WASF3: variants seen among roughly 807,000 people sequenced by gnomAD.
WASF3 encodes WASP family member 3, also known as actin-binding protein WASF3.
A neutral mutation model predicts 46.6 loss-of-function variants in WASF3; 11 were observed. The ratio of observed to expected loss-of-function variants is 0.24; its 90% CI spans 0.15 to 0.39. The LOEUF (loss-of-function observed/expected upper bound fraction) is 0.39, where lower values mean the gene tolerates loss of function less well. Ranked by LOEUF, WASF3 falls within the 10% of genes least tolerant of loss-of-function variation. The pLI, the probability that WASF3 is intolerant of heterozygous loss-of-function variation, is 1.00. For missense variants in WASF3, 576 were observed against 669.8 expected (o/e 0.86, Z 1.55); for synonymous variants, 242 against 259.7 (o/e 0.93, Z 0.65).
intron 1 of WASF3, among the ~76,000 whole-genome samples, chr13:26,602,430 G>T (rs890804904): frequency 1.3e-5 from 2 of 152,068 alleles, no homozygotes; most frequent in Admixed American, 6.5e-5. Flanking sequence ...CTCATAAATT[G>T]TAGTATTCTT....
At chr13:26,567,727 CCCTT>C (rs1879511790) in intron 1 of WASF3, among the ~76,000 whole-genome samples, 1 of 151,796 alleles carries the variant, frequency 6.6e-6, no homozygotes, top group East Asian at 1.9e-4. Context: ...TATATAATCT[CCCTT>C]CACTTGCTTT....
intron 3 of WASF3, among the ~76,000 whole-genome samples, chr13:26,659,643 G>T (rs9512312): frequency 0.17 from 26,018 of 152,006 alleles, 2,563 homozygotes; most frequent in South Asian, 0.26. Flanking sequence ...TGGTGATTAT[G>T]CCTTGGGACA....
Position 26,675,364 on chromosome 13 carries a change from C to T in WASF3, c.541-1185C>T, listed in dbSNP as rs1883032644. 3.3e-5 allele frequency among the ~76,000 whole-genome samples: 5 copies of T among 152,008 alleles called. No homozygotes were observed. In the South Asian group the frequency reaches 1.0e-3, roughly 32 times the overall value. On this transcript the variant is annotated intron_variant, in intron 6 of 9. Transcript: ENST00000335327. ...CCAGAGCTCTCACACAGTCTGTCCT[C>T]TCCTCTTGGCAGGCACCTGACCCAT...
intron 2 of WASF3, among the ~76,000 whole-genome samples, chr13:26,625,768 A>G (rs1195130282): frequency 6.6e-6 from 1 of 152,190 alleles, no homozygotes; most frequent in Non-Finnish European, 1.5e-5. Context: ...CATAAAATGA[A>G]CCATTACATT....
chr13:26,582,428 C>T (rs1228944719), intron 1 of WASF3, among the ~76,000 whole-genome samples: 1 of 152,020 alleles, frequency 6.6e-6, no homozygotes, highest in East Asian at 1.9e-4. Context: ...GTAATCCTAG[C>T]ACTTTGGGAG....
At chr13:26,557,869 C>CTA (rs1879146314) in intron 1 of WASF3, 50 bp downstream of exon 1, 1 of 297,808 alleles carries the variant, frequency 3.4e-6, no homozygotes, top group Non-Finnish European at 6.2e-6. Flanking sequence ...GCTGCTGTGG[C>CTA]CCTCTCGGCT....
At chr13:26,666,422 A>G (rs1180830626) in intron 4 of WASF3, among the ~76,000 whole-genome samples, 1 of 152,198 alleles carries the variant, frequency 6.6e-6, no homozygotes, top group Non-Finnish European at 1.5e-5. Flanking sequence ...TTACCTTATT[A>G]CTTTCCTTGC....
At chr13:26,672,947 TCA>T (rs1214956833) in intron 6 of WASF3, among the ~76,000 whole-genome samples, 1 of 152,166 alleles carries the variant, frequency 6.6e-6, no homozygotes, top group Non-Finnish European at 1.5e-5. Context: ...AAGGACTTGG[TCA>T]CACACAGTCT....
At chr13:26,644,995 C>T (rs1882107787) in intron 3 of WASF3, among the ~76,000 whole-genome samples, 2 of 152,152 alleles carry the variant, frequency 1.3e-5, no homozygotes, top group Admixed American at 6.5e-5. Context: ...GCATCTGGGG[C>T]TTACAACCCA....
intron 1 of WASF3, among the ~76,000 whole-genome samples, chr13:26,578,378 C>T (rs1355729515): frequency 6.6e-5 from 10 of 152,138 alleles, no homozygotes; most frequent in Non-Finnish European, 5.9e-5. Context: ...TTAGGCCTAA[C>T]ATAAATTGTT....
chr13:26,665,996 G>C (rs1882760051), intron 4 of WASF3, among the ~76,000 whole-genome samples: 1 of 152,082 alleles, frequency 6.6e-6, no homozygotes, highest in Non-Finnish European at 1.5e-5. Flanking sequence ...CTATAGAGTA[G>C]TATTGGTAAA....
Position 26,681,059 on chromosome 13 carries a change from A to C in WASF3, c.722A>C (p.His241Pro), listed in dbSNP as rs1281746592. The C allele has an allele frequency of 3.8e-6, 6 of 1,599,394 alleles. No individual in the cohort carries two copies. Residue 241 changes from histidine to proline, a missense_variant, in exon 8 of 10, where the codon CAT (histidine) becomes CCT (proline). Physicochemically the swap from His to Pro is moderately conservative, Grantham distance 77 (BLOSUM62 -2). Around this residue, in one of 3 missense-constraint regions of WASF3, gnomAD observed 295 missense variants for 291.5 expected, o/e 1.01. Transcript: ENST00000335327. ...CTCTTGTTTTCAAATGCCAGGTCAC[A>C]TGCATCGGACGTTACGGATTACTCT... ...EGSLSPDTRS[H>P]ASDVTDYSYP...
intron 3 of WASF3, among the ~76,000 whole-genome samples, chr13:26,644,557 T>C (rs895514424): frequency 1.3e-5 from 2 of 152,136 alleles, no homozygotes; most frequent in African/African-American, 4.8e-5. Context: ...ACCCGAGAGA[T>C]TGTGCTTCCG....
In WASF3 at chr13:26,563,596, A is replaced by G. The variant is rs570932054; in HGVS notation, c.-109+5777A>G. ...CTTGAACCCGGGAGGCAGAGGTTGC[A>G]GTGAGCTGAGATCGTGCCACTGTAC... On this transcript the variant is annotated intron_variant, in intron 1 of 9. Coordinates refer to ENST00000335327, the MANE Select transcript of WASF3 (RefSeq NM_006646.6). Among the ~76,000 whole-genome samples the G allele has an allele frequency of 1.0e-3, 141 of 136,056 alleles. 1 individual carries two copies. Among genetic ancestry groups the G allele is most frequent in the African/African-American group, 3.7e-3 (137 of 36,716 alleles). 89.3% of individuals were successfully genotyped at this position (136,056 alleles called of 152,430 possible).
intron 4 of WASF3, 106 bp downstream of exon 4, chr13:26,665,268 TTCATCTTGTCTTTCC>T: frequency 7.4e-7 from 1 of 1,350,196 alleles, no homozygotes; most frequent in Non-Finnish European, 1.0e-6. Flanking sequence ...ATGCTGATAT[TTCATCTTGTCTTTCC>T]TAGAAGAATA....
At chr13:26,623,639 G>T (rs558076465) in intron 2 of WASF3, among the ~76,000 whole-genome samples, 1 of 152,186 alleles carries the variant, frequency 6.6e-6, no homozygotes, top group Admixed American at 6.5e-5. Flanking sequence ...GTTTAGTTGT[G>T]TTGGAGAAGA....
chr13:26,621,375 G>C lies in WASF3; in HGVS notation c.-11+8317G>C, dbSNP rs553888979. On this transcript the variant is annotated intron_variant, in intron 2 of 9. Transcript: ENST00000335327. Reference sequence around the variant, plus strand: ...ATATGGTAGTTTCTGAAAGCCAGCTGAATGTCTAACTGAAAAGGAAAGTAT... The same window carrying C: ...ATATGGTAGTTTCTGAAAGCCAGCTCAATGTCTAACTGAAAAGGAAAGTAT... 8.0e-4 allele frequency among the ~76,000 whole-genome samples: 122 copies of C among 152,322 alleles called. 1 individual carries two copies. The highest frequency in any genetic ancestry group is 2.8e-3 in the African/African-American group (118 of 41,574).
At chr13:26,650,785 AT>A (rs1424601787) in intron 3 of WASF3, among the ~76,000 whole-genome samples, 1 of 152,230 alleles carries the variant, frequency 6.6e-6, no homozygotes, top group Non-Finnish European at 1.5e-5. Context: ...AGCAGAAGTG[AT>A]TGGTGAACTT....
chr13:26,668,649 G>A (rs980070313), intron 5 of WASF3, among the ~76,000 whole-genome samples: 4 of 152,264 alleles, frequency 2.6e-5, no homozygotes, highest in African/African-American at 4.8e-5. Context: ...ACAGGGAGAT[G>A]TTTGGAGCCA....
Sources: allele counts gnomAD v4.1 joint callset (sites outside exome capture counted in the v4.1 genomes callset), GRCh38; gene constraint gnomAD v4.1.1; regional missense constraint gnomAD v4.1.1; transcripts MANE v1.5; gene names NCBI Gene and HGNC (gene_info 2026-07-23, HGNC 2026-07-21).